TBC1D5: variants seen among roughly 807,000 people sequenced by gnomAD.
TBC1D5 encodes the protein TBC1 domain family, member 5.
A neutral mutation model predicts 100.3 loss-of-function variants in TBC1D5; 75 were observed. That is an observed-to-expected ratio of 0.75 (90% CI 0.62 to 0.91). TBC1D5 has a LOEUF of 0.91. TBC1D5 is among the 40% of genes least tolerant of loss of function. The pLI, the probability that TBC1D5 is intolerant of heterozygous loss-of-function variation, is 0.00. For missense variants in TBC1D5, 910 were observed against 942.4 expected (o/e 0.97, Z 0.45); for synonymous variants, 323 against 325.6 (o/e 0.99, Z 0.09).
At chr3:17,262,754 T>A (rs1478079119) in intron 15 of TBC1D5, among the ~76,000 whole-genome samples, 1 of 152,094 alleles carries the variant, frequency 6.6e-6, no homozygotes, top group Non-Finnish European at 1.5e-5. Context: ...GTGCTGGGAT[T>A]ACAGGCGTGA....
rs1268623987 is a variant in TBC1D5, at chr3:17,341,629, CAT to C, written c.995+30444_995+30445del. Among the ~76,000 whole-genome samples, 5 of 152,174 alleles carry C rather than the reference CAT, an allele frequency of 3.3e-5. No homozygotes were observed. The East Asian group carries it at 9.6e-4, about 29-fold the overall frequency. On this transcript the variant is annotated intron_variant, in intron 13 of 21. Coordinates refer to ENST00000253692, the Ensembl canonical transcript of TBC1D5. ...GGATTCAATTCTTGGGAGGCTGACTCATATTCTTAATCACCGTTCTATATTAC... is the reference window on the plus strand; with the variant it reads ...GGATTCAATTCTTGGGAGGCTGACTCATTCTTAATCACCGTTCTATATTAC...
intron 2 of TBC1D5, among the ~76,000 whole-genome samples, chr3:17,544,814 A>G (rs948285324): frequency 6.6e-6 from 1 of 152,196 alleles, no homozygotes; most frequent in Non-Finnish European, 1.5e-5. Context: ...TATTTCTACC[A>G]CTAGATGGAA....
At chr3:17,735,328 G>A (rs1230569281) in intron 1 of TBC1D5, among the ~76,000 whole-genome samples, 5 of 152,160 alleles carry the variant, frequency 3.3e-5, no homozygotes, top group Non-Finnish European at 5.9e-5. Flanking sequence ...TAAAAGTTAC[G>A]TAGAAAACTA....
At chr3:17,345,291 T>G in intron 13 of TBC1D5, among the ~76,000 whole-genome samples, 1 of 152,208 alleles carries the variant, frequency 6.6e-6, no homozygotes, top group East Asian at 1.9e-4. Context: ...AAAGAAGACA[T>G]TTATGCAGCC....
chr3:17,653,418 C>A (rs2065771083), intron 1 of TBC1D5, among the ~76,000 whole-genome samples: 1 of 152,028 alleles, frequency 6.6e-6, no homozygotes, highest in South Asian at 2.1e-4. Context: ...TCTACAGTAT[C>A]CTTCTCAATA....
At chr3:17,294,322 C>A (rs1299706329) in intron 14 of TBC1D5, among the ~76,000 whole-genome samples, 1 of 152,122 alleles carries the variant, frequency 6.6e-6, no homozygotes, top group Non-Finnish European at 1.5e-5. Context: ...TGGGCTCATG[C>A]AATCCTCCTG....
chr3:17,459,722 AACC>A (rs1327274132), intron 3 of TBC1D5, among the ~76,000 whole-genome samples: 1 of 151,960 alleles, frequency 6.6e-6, no homozygotes, highest in Non-Finnish European at 1.5e-5. Context: ...ACATTAGTGT[AACC>A]GATCTCTTAA....
chr3:17,168,604 A>C (rs934910696), intron 19 of TBC1D5, among the ~76,000 whole-genome samples: 1 of 152,206 alleles, frequency 6.6e-6, no homozygotes, highest in Non-Finnish European at 1.5e-5. Context: ...GATTCTCGCA[A>C]GGGGCCGGGG....
intron 19 of TBC1D5, among the ~76,000 whole-genome samples, chr3:17,177,734 A>C (rs1051126196): frequency 6.6e-6 from 1 of 152,160 alleles, no homozygotes; most frequent in East Asian, 1.9e-4. Context: ...TGGCATCTTA[A>C]ATTTTTTTTT....
At chr3:17,427,344 T>C (rs1337859333) in intron 4 of TBC1D5, among the ~76,000 whole-genome samples, 2 of 151,944 alleles carry the variant, frequency 1.3e-5, no homozygotes, top group East Asian at 1.9e-4. Context: ...ATTTCTGAAA[T>C]TCATAAACAA....
Position 17,292,002 on chromosome 3 carries a change from C to T in TBC1D5, c.1139-1G>A, listed in dbSNP as rs1320105229. On this transcript the variant is annotated splice_acceptor_variant, in intron 14 of 21. Coordinates refer to ENST00000253692, the Ensembl canonical transcript of TBC1D5. LOFTEE classifies it high-confidence loss of function. ...CAGGTCTGGTAGTTACTAGAGATCA[C>T]TAAATAAGAAGAAAAAATAATTCAG... 1 of 1,610,404 alleles carries T rather than the reference C, an allele frequency of 6.2e-7. No individual in the cohort carries two copies. The highest frequency in any genetic ancestry group is 2.2e-5 in the East Asian group (1 of 44,822).
chr3:17,705,580 C>A (rs2074019436), intron 1 of TBC1D5, among the ~76,000 whole-genome samples: 3 of 135,992 alleles, frequency 2.2e-5, no homozygotes, highest in African/African-American at 8.2e-5. Context: ...GGGTCTCGGC[C>A]GGGCAGAGGC....
intron 13 of TBC1D5, among the ~76,000 whole-genome samples, chr3:17,317,497 G>A (rs990534276): frequency 1.3e-5 from 2 of 152,136 alleles, no homozygotes; most frequent in African/African-American, 2.4e-5. Context: ...TTCTACTAGT[G>A]AAAGCTAAAT....
At chr3:17,366,715 G>A (rs1458663114) in intron 13 of TBC1D5, among the ~76,000 whole-genome samples, 2 of 151,956 alleles carry the variant, frequency 1.3e-5, no homozygotes, top group Non-Finnish European at 2.9e-5. Context: ...TGATGACTGA[G>A]AGTTACTTTT....
chr3:17,696,525 A>T (rs2072115341), intron 1 of TBC1D5, among the ~76,000 whole-genome samples: 1 of 152,214 alleles, frequency 6.6e-6, no homozygotes, highest in Non-Finnish European at 1.5e-5. Flanking sequence ...TCCTGGATAC[A>T]TACAAGACTA....
chr3:17,572,920 T>C (rs567070941), intron 2 of TBC1D5, among the ~76,000 whole-genome samples: 4 of 152,224 alleles, frequency 2.6e-5, no homozygotes, highest in Middle Eastern at 6.8e-3. Flanking sequence ...TAGATACCCA[T>C]CAAATACACT....
intron 9 of TBC1D5, among the ~76,000 whole-genome samples, chr3:17,381,553 C>T (rs1158162171): frequency 2.0e-5 from 3 of 152,208 alleles, no homozygotes; most frequent in Non-Finnish European, 1.5e-5. Flanking sequence ...TGCAGCAGAA[C>T]TATTTACTCC....
chr3:17,735,285 G>A (rs1174669576), intron 1 of TBC1D5, among the ~76,000 whole-genome samples: 1 of 152,086 alleles, frequency 6.6e-6, no homozygotes, highest in East Asian at 1.9e-4. Flanking sequence ...ACTACTTATG[G>A]TACATTCATA....
chr3:17,727,461 T>A (rs1023328672), intron 1 of TBC1D5, among the ~76,000 whole-genome samples: 2 of 152,236 alleles, frequency 1.3e-5, no homozygotes, highest in Admixed American at 6.5e-5. Context: ...AAAGGAGAAC[T>A]GAGTTCAATC....
Sources: gnomAD v4.1 joint callset for allele counts (sites outside exome capture counted in the v4.1 genomes callset) on GRCh38, gnomAD v4.1.1 for gene constraint, MANE v1.5 for transcripts, NCBI Gene and HGNC (gene_info 2026-07-23, HGNC 2026-07-21) for gene names.